ME1: variants seen among roughly 807,000 people sequenced by gnomAD.
The protein encoded by ME1 is malic enzyme 1.
A neutral mutation model predicts 66.4 loss-of-function variants in ME1; 74 were observed. The ratio of observed to expected loss-of-function variants is 1.11; its 90% confidence interval spans 0.92 to 1.35. ME1 has a LOEUF of 1.35. Ranked by LOEUF, ME1 falls within the 40% of genes most tolerant of loss-of-function variation. ME1 has a pLI of 0.00. For synonymous variants in ME1, 251 were observed against 235.6 expected, an observed-to-expected ratio of 1.07 and a Z score of -0.60; for missense variants, 750 against 694.1, an observed-to-expected ratio of 1.08 and a Z score of -0.90.
intron 5 of ME1, among the ~76,000 whole-genome samples, chr6:83,344,830 C>A (rs1768657627): frequency 6.6e-6 from 1 of 151,466 alleles, no homozygotes; most frequent in Non-Finnish European, 1.5e-5. Context: ...TTGCAGTGAG[C>A]GGAGATCAGC....
At position 83,407,749 on chromosome 6, in the gene ME1, A is replaced by T; in HGVS notation, c.212+19T>A. 2 of 1,552,732 alleles carry T rather than the reference A, an allele frequency of 1.3e-6. No individual in the cohort carries two copies. The highest frequency in any genetic ancestry group is 1.7e-6 in the Non-Finnish European group (2 of 1,157,742). On this transcript the variant is annotated intron_variant, in intron 2 of 13. Coordinates refer to ENST00000369705, the MANE Select transcript of ME1 (RefSeq NM_002395.6). Reference sequence around the variant, plus strand: ...ACTGCATAAGAGAAATATAAAAACCACCTTCAGCAATGTGTTACCTGTCAA... The same window carrying T: ...ACTGCATAAGAGAAATATAAAAACCTCCTTCAGCAATGTGTTACCTGTCAA...
chr6:83,379,826 C>T (rs574161797), intron 3 of ME1, among the ~76,000 whole-genome samples: 5 of 152,164 alleles, frequency 3.3e-5, no homozygotes, highest in Non-Finnish European at 5.9e-5. Context: ...TATTTGAGAA[C>T]TGTACGTACA....
intron 9 of ME1, among the ~76,000 whole-genome samples, chr6:83,235,539 C>A (rs1032302090): frequency 3.4e-5 from 5 of 145,404 alleles, no homozygotes; most frequent in Non-Finnish European, 5.9e-5. Context: ...GGCGCGATCT[C>A]GGCTCACTGC....
intron 3 of ME1, among the ~76,000 whole-genome samples, chr6:83,357,981 AGTTCTGTCCC>A (rs1768931801): frequency 1.1e-5 from 1 of 93,732 alleles, no homozygotes; most frequent in African/African-American, 4.2e-5. Flanking sequence ...ATATTTCATT[AGTTCTGTCCC>A]TCTAGAGAAC....
intron 4 of ME1, among the ~76,000 whole-genome samples, chr6:83,350,971 C>CAAAAAAAA (rs34259968): frequency 9.0e-5 from 5 of 55,786 alleles, no homozygotes; most frequent in Admixed American, 2.2e-4. Flanking sequence ...GTGGAGAAAG[C>CAAAAAAAA]AAAAAAAAAA....
chr6:83,288,935 T>C (rs1767448536), intron 6 of ME1, among the ~76,000 whole-genome samples: 1 of 151,728 alleles, frequency 6.6e-6, no homozygotes, highest in Non-Finnish European at 1.5e-5. Context: ...AGGAGTTCAC[T>C]CATGGCTCTG....
At chr6:83,382,422 C>T (rs184616641) in intron 3 of ME1, among the ~76,000 whole-genome samples, 62 of 151,890 alleles carry the variant, frequency 4.1e-4, no homozygotes, top group African/African-American at 3.4e-4. Flanking sequence ...AAGAATCTTC[C>T]GGAAGAATTG....
In ME1 at chr6:83,393,411, ACC is replaced by A. The variant is rs576570136; in HGVS notation, c.362+4954_362+4955del. On this transcript the variant is annotated intron_variant, in intron 3 of 13. Coordinates refer to ENST00000369705, the MANE Select transcript of ME1 (RefSeq NM_002395.6). ...CACAGTGTGGCTTCCAAGGAGTAAG[ACC>A]CCCAGACCACCAGCCCCAGCGACAG... The A allele has an allele frequency of 1.3e-4, 86 of 664,454 alleles. No individual in the cohort carries two copies. The African/African-American group carries it at 1.4e-3, about 10-fold the overall frequency. 41.2% of individuals were successfully genotyped at this position (664,454 alleles called of 1,614,324 possible).
intron 6 of ME1, among the ~76,000 whole-genome samples, chr6:83,280,636 T>G (rs914186935): frequency 2.0e-5 from 3 of 152,208 alleles, no homozygotes; most frequent in Non-Finnish European, 4.4e-5. Flanking sequence ...CTGCTCCTTT[T>G]GCTGCCCATG....
chr6:83,245,597 G>A (rs553913989), intron 7 of ME1, among the ~76,000 whole-genome samples: 2 of 152,116 alleles, frequency 1.3e-5, no homozygotes, highest in East Asian at 1.9e-4. Flanking sequence ...TAGTAGAGAC[G>A]GGGTTTCTCC....
At position 83,315,375 on chromosome 6, in the gene ME1, C is replaced by T. The variant is rs1182219486; in HGVS notation, c.639G>A (p.Gln213=). 3 of 1,611,874 alleles carry T rather than the reference C, an allele frequency of 1.9e-6. No individual in the cohort carries two copies. The African/African-American group carries it at 4.0e-5, about 22-fold the overall frequency. ...CATATTCAGAACCTCTTACTCTTCT[C>T]TGCCGTAGTCCAATGTAGAGTGGAT... is the stretch of plus-strand genomic sequence containing the variant. The part of the protein sequence containing the change: ...LKDPLYIGLR[Q]RRVRGSEYDD... Residue 213 remains glutamine, a synonymous_variant, in exon 6 of 14, where the codon CAG becomes CAA. Transcript: ENST00000369705.
chr6:83,335,264 A>G (rs1768500293), intron 5 of ME1, among the ~76,000 whole-genome samples: 1 of 6,992 alleles, frequency 1.4e-4, no homozygotes, highest in Non-Finnish European at 2.3e-4. Context: ...AAGTTTAGAG[A>G]AAAAAGAATA....
chr6:83,292,842 C>G (rs1767529394), intron 6 of ME1, among the ~76,000 whole-genome samples: 1 of 152,202 alleles, frequency 6.6e-6, no homozygotes, highest in Non-Finnish European at 1.5e-5. Context: ...ACTCAAGCCT[C>G]AGCAATGGTG....
chr6:83,413,045 C>T (rs1770082314), intron 1 of ME1, among the ~76,000 whole-genome samples: 1 of 152,170 alleles, frequency 6.6e-6, no homozygotes, highest in African/African-American at 2.4e-5. Context: ...AATATAATTA[C>T]AATGACTAAA....
chr6:83,254,744 T>C (rs890862309), intron 6 of ME1, among the ~76,000 whole-genome samples: 1 of 152,116 alleles, frequency 6.6e-6, no homozygotes, highest in African/African-American at 2.4e-5. Flanking sequence ...CAACTGCACC[T>C]CTCTATACTA....
At chr6:83,271,455 A>C (rs1205492924) in intron 6 of ME1, among the ~76,000 whole-genome samples, 1 of 152,162 alleles carries the variant, frequency 6.6e-6, no homozygotes, top group African/African-American at 2.4e-5. Context: ...AATAATAAGC[A>C]TATGTGGAAT....
chr6:83,213,430 C>T (rs1027127117), intron 13 of ME1, among the ~76,000 whole-genome samples: 115 of 151,682 alleles, frequency 7.6e-4, no homozygotes, highest in African/African-American at 2.4e-3. Flanking sequence ...ATCTCAAAAA[C>T]GAAACAAAAC....
At chr6:83,237,283 G>GA (rs760577002) in intron 9 of ME1, among the ~76,000 whole-genome samples, 1 of 46,754 alleles carries the variant, frequency 2.1e-5, no homozygotes, top group Non-Finnish European at 4.4e-5. Context: ...AAGAAAGGAA[G>GA]GAAGGAAGGA....
chr6:83,378,642 AGACATGAGAGG>A (rs1769339262), intron 3 of ME1, among the ~76,000 whole-genome samples: 1 of 151,854 alleles, frequency 6.6e-6, no homozygotes, highest in Non-Finnish European at 1.5e-5. Context: ...TGATTGGAGA[AGACATGAGAGG>A]GAAGGTTTTT....
Sources: gnomAD v4.1 joint callset for allele counts (sites outside exome capture counted in the v4.1 genomes callset) on GRCh38, gnomAD v4.1.1 for gene constraint, MANE v1.5 for transcripts, NCBI Gene and HGNC (gene_info 2026-07-23, HGNC 2026-07-21) for gene names.